PIWIL2: variants seen among roughly 807,000 people sequenced by gnomAD.
The protein encoded by PIWIL2 is piwi-like protein 2.
A neutral mutation model predicts 116.5 loss-of-function variants in PIWIL2; 81 were observed. The ratio of observed to expected loss-of-function variants is 0.70; its 90% CI spans 0.58 to 0.84. The LOEUF (loss-of-function observed/expected upper bound fraction) is 0.84, where lower values mean the gene tolerates loss of function less well. Ranked by LOEUF, PIWIL2 falls within the 40% of genes least tolerant of loss-of-function variation. The pLI is 0.00. For missense variants in PIWIL2, 1,272 were observed against 1,212.3 expected, an observed-to-expected ratio of 1.05 and a Z score of -0.73; for synonymous variants, 489 against 429.5, an observed-to-expected ratio of 1.14 and a Z score of -1.71.
Position 22,352,979 on chromosome 8 carries a change from G to C in PIWIL2, c.2424G>C (p.Glu808Asp), listed in dbSNP as rs1396178988. The C allele has an allele frequency of 3.1e-6, 5 of 1,613,482 alleles. No homozygotes were observed. The highest frequency in any genetic ancestry group is 4.5e-5 in the East Asian group (2 of 44,874). The change falls in exon 21 of 23, where the codon GAG becomes GAC. Residue 808 changes from glutamate to aspartate, a missense_variant. Glu to Asp is a conservative substitution (Grantham distance 45). Transcript: ENST00000356766. ...TTCAGGTGAACCACTGTCTACCAGA[G>C]AAGATTGTGGTGTACCGTGATGGAG... ...KFYEVNHCLP[E>D]KIVVYRDGVS...
At chr8:22,290,975 T>TATATATATATATATATATATATATA (rs947701007) in intron 10 of PIWIL2, among the ~76,000 whole-genome samples, 19 of 149,444 alleles carry the variant, frequency 1.3e-4, no homozygotes, top group Admixed American at 2.0e-4. Context: ...TGTATATATA[T>TATATATATATATATATATATATATA]TTTTTTTAAT....
intron 10 of PIWIL2, among the ~76,000 whole-genome samples, chr8:22,290,975 T>TATA (rs947701007): frequency 1.3e-5 from 2 of 149,530 alleles, no homozygotes; most frequent in Non-Finnish European, 3.0e-5. Flanking sequence ...TGTATATATA[T>TATA]TTTTTTTAAT....
chr8:22,330,019 C>G (rs1356375507), intron 20 of PIWIL2, among the ~76,000 whole-genome samples: 1 of 152,162 alleles, frequency 6.6e-6, no homozygotes, highest in Non-Finnish European at 1.5e-5. Flanking sequence ...ATTATTTACT[C>G]AGATATTCTT....
chr8:22,320,504 T>G (rs1831573410), intron 20 of PIWIL2, among the ~76,000 whole-genome samples: 1 of 151,928 alleles, frequency 6.6e-6, no homozygotes, highest in South Asian at 2.1e-4. Flanking sequence ...CTCGAACTCT[T>G]AATCTCAAGT....
intron 12 of PIWIL2, among the ~76,000 whole-genome samples, 153 bp from the exon 13 acceptor site, chr8:22,305,774 A>G (rs1178612690): frequency 2.0e-5 from 3 of 152,142 alleles, no homozygotes; most frequent in Non-Finnish European, 4.4e-5. Flanking sequence ...AAATACTTCT[A>G]GCATTTCACT....
At chr8:22,302,107 A>G (rs76471371) in intron 10 of PIWIL2, among the ~76,000 whole-genome samples, 1 of 151,722 alleles carries the variant, frequency 6.6e-6, no homozygotes, top group African/African-American at 2.4e-5. Context: ...GTGTATTATA[A>G]TTTTCAAATA....
rs142617200 is a variant in PIWIL2 at position 22,278,066 on chromosome 8, G to A, written c.-46-1275G>A. Among the ~76,000 whole-genome samples, 367 of 151,992 alleles carry A rather than the reference G, an allele frequency of 2.4e-3. 3 individuals carry two copies. The highest frequency in any genetic ancestry group is 7.9e-3 in the African/African-American group (328 of 41,438). On this transcript the variant is annotated intron_variant, in intron 1 of 22. Coordinates refer to ENST00000356766, the MANE Select transcript of PIWIL2 (RefSeq NM_018068.5). ...GCCTGTAATCCCAGCTACTCGGGAC[G>A]CTGAGGCAGGAGAATCACTTGAACC...
At chr8:22,277,952 T>A (rs1830415288) in intron 1 of PIWIL2, among the ~76,000 whole-genome samples, 1 of 151,932 alleles carries the variant, frequency 6.6e-6, no homozygotes, top group Non-Finnish European at 1.5e-5. Flanking sequence ...GCTGATCGCC[T>A]GAGGTCGGGA....
chr8:22,282,901 A>G, intron 4 of PIWIL2, 133 bp from the exon 5 acceptor site: 1 of 717,824 alleles, frequency 1.4e-6, no homozygotes, highest in South Asian at 1.7e-5. Flanking sequence ...TGGCATATGT[A>G]GTTTGAGAGA....
At position 22,281,377 on chromosome 8, in the gene PIWIL2, G is replaced by C. The variant is rs888043939; in HGVS notation, c.287G>C (p.Gly96Ala). 1.2e-6 allele frequency: 2 copies of C among 1,609,060 alleles called. No individual in the cohort carries two copies. The highest frequency in any genetic ancestry group is 1.7e-6 in the Non-Finnish European group (2 of 1,178,942). The part of the protein sequence containing the change: ...TPLKREMLPS[G>A]RGILGRGLSA... ...GCTGGGGTTCGGTTCTTTCTTTCAG[G>C]TAGAGGCATTTTAGGTCGAGGCTTG... The change falls in exon 4 of 23, where the codon GGT (glycine) becomes GCT (alanine). Residue 96 changes from glycine to alanine, a missense_variant and splice_region_variant. By Grantham distance (60) the Gly-to-Ala change is moderately conservative (BLOSUM62 0). Transcript: ENST00000356766.
At chr8:22,299,532 G>C (rs1210305548) in intron 10 of PIWIL2, among the ~76,000 whole-genome samples, 2 of 150,834 alleles carry the variant, frequency 1.3e-5, no homozygotes, top group Non-Finnish European at 3.0e-5. Context: ...TTACAAATTT[G>C]AAATACCACC....
chr8:22,281,272 T>A, intron 3 of PIWIL2, 65 bp downstream of exon 3: 1 of 1,547,198 alleles, frequency 6.5e-7, no homozygotes. Context: ...AAAATCCAAA[T>A]GGTTTATTTT....
rs1049230262 is a variant in PIWIL2 at position 22,351,482 on chromosome 8, T to A, written c.2404-1477T>A. On this transcript the variant is annotated intron_variant, in intron 20 of 22. Coordinates refer to ENST00000356766, the MANE Select transcript of PIWIL2 (RefSeq NM_018068.5). ...ATATATATATATATATATATATATA[T>A]AATTTATATCTAAACCTAATTCATA... 7.0e-3 allele frequency among the ~76,000 whole-genome samples: 815 copies of A among 115,672 alleles called. 38 individuals carry two copies. Among genetic ancestry groups the A allele is most frequent in the African/African-American group, 0.023 (753 of 32,146 alleles). The allele number at this position is 115,672 out of a possible 152,430, so 75.9% of individuals were successfully genotyped here. A position where few individuals can be genotyped will look rare whatever the true frequency, so the allele number is the denominator to read the frequency against.
At chr8:22,286,619 T>TTTTA (rs1214586100) in intron 6 of PIWIL2, among the ~76,000 whole-genome samples, 1 of 151,894 alleles carries the variant, frequency 6.6e-6, no homozygotes, top group East Asian at 1.9e-4. Flanking sequence ...CAACAAAAAA[T>TTTTA]TTTATTTATT....
intron 14 of PIWIL2, among the ~76,000 whole-genome samples, chr8:22,309,751 A>G (rs1019476394): frequency 6.6e-6 from 1 of 152,216 alleles, no homozygotes; most frequent in Non-Finnish European, 1.5e-5. Context: ...ATGAAAGACT[A>G]GTACCTATAA....
Position 22,279,593 on chromosome 8 carries a change from A to G in PIWIL2, c.198+9A>G. ...GGGGGCCAGCACAAAGGGTAAGACCACTTCCGGATGCATAGGAGTGGCATA... is the reference window on the plus strand; with the variant it reads ...GGGGGCCAGCACAAAGGGTAAGACCGCTTCCGGATGCATAGGAGTGGCATA... On this transcript the variant is annotated intron_variant, in intron 2 of 22. Coordinates refer to ENST00000356766, the MANE Select transcript of PIWIL2 (RefSeq NM_018068.5). 1 of 1,612,200 alleles carries G rather than the reference A, an allele frequency of 6.2e-7. No individual in the cohort carries two copies. Among genetic ancestry groups the G allele is most frequent in the Non-Finnish European group, 8.5e-7 (1 of 1,178,300 alleles).
At chr8:22,353,857 C>T (rs1175966061) in intron 21 of PIWIL2, among the ~76,000 whole-genome samples, 1 of 143,846 alleles carries the variant, frequency 7.0e-6, no homozygotes, top group African/African-American at 2.5e-5. Context: ...TCACTGCAGC[C>T]TCAACCTGCT....
In PIWIL2 at chr8:22,325,181, A is replaced by G. The variant is rs140134308; in HGVS notation, c.2403+6906A>G. Among the ~76,000 whole-genome samples, 946 of 152,302 alleles carry G rather than the reference A, an allele frequency of 6.2e-3. 13 individuals are homozygous for G. Among genetic ancestry groups the G allele is most frequent in the African/African-American group, 0.022 (899 of 41,572 alleles). On this transcript the variant is annotated intron_variant, in intron 20 of 22. Coordinates refer to ENST00000356766, the MANE Select transcript of PIWIL2 (RefSeq NM_018068.5). ...TACCACATCCTGCCCCCAGGGAAGA[A>G]TTATAAAGTCACAATAGCATCCTGC...
Position 22,338,084 on chromosome 8 carries a change from C to T in PIWIL2, c.2404-14875C>T, listed in dbSNP as rs371379815. On this transcript the variant is annotated intron_variant, in intron 20 of 22. Coordinates refer to ENST00000356766, the MANE Select transcript of PIWIL2 (RefSeq NM_018068.5). ...TACAGCCTGTGTGACAAGAGCGAGA[C>T]TCCATCTCAAAAAAAAAAAGAAATT... Among the ~76,000 whole-genome samples, 10 of 150,914 alleles carry T rather than the reference C, an allele frequency of 6.6e-5. No homozygotes were observed. The East Asian group carries it at 1.9e-3, about 29-fold the overall frequency.
Sources: allele counts gnomAD v4.1 joint callset (sites outside exome capture counted in the v4.1 genomes callset), GRCh38; gene constraint gnomAD v4.1.1; transcripts MANE v1.5; gene names NCBI Gene and HGNC (gene_info 2026-07-23, HGNC 2026-07-21).